The following HERC2 variants were observed in gnomAD, a reference collection of about 807,000 sequenced individuals.
HERC2 encodes the protein E3 ubiquitin-protein ligase HERC2.
A neutral mutation model predicts 537.7 loss-of-function variants in HERC2; 102 were observed. The observed-to-expected ratio is 0.19, with a 90% CI of 0.16 to 0.22. HERC2 has a LOEUF of 0.22. Ranked by LOEUF, HERC2 falls within the 10% of genes least tolerant of loss-of-function variation. HERC2 has a pLI of 1.00. For synonymous variants in HERC2, 2,224 were observed against 2,466.2 expected, an observed-to-expected ratio of 0.90 and a Z score of 2.91; for missense variants, 4,236 against 6,198.2, an observed-to-expected ratio of 0.68 and a Z score of 10.63.
At chr15:28,204,795 C>G (rs1024391375) in intron 45 of HERC2, among the ~76,000 whole-genome samples, 2 of 152,098 alleles carry the variant, frequency 1.3e-5, no homozygotes, top group African/African-American at 4.8e-5. Flanking sequence ...CTTGACCTTT[C>G]AAACAGATCA....
At chr15:28,206,737 A>G (rs891192693) in intron 44 of HERC2, among the ~76,000 whole-genome samples, 6 of 149,858 alleles carry the variant, frequency 4.0e-5, no homozygotes, top group African/African-American at 7.4e-5. Flanking sequence ...GGAGGCTGAC[A>G]CAGGAGAATG....
intron 67 of HERC2, 28 bp downstream of exon 67, chr15:28,168,379 T>A: frequency 6.2e-7 from 1 of 1,605,168 alleles, no homozygotes; most frequent in South Asian, 1.1e-5. Context: ...TCCTTTCTGA[T>A]CTAACATTGC....
Position 28,186,585 on chromosome 15 carries a change from G to A in HERC2, c.8817C>T (p.Asn2939=). The A allele has an allele frequency of 6.2e-7, 1 of 1,613,764 alleles. No homozygotes were observed. The highest frequency in any genetic ancestry group is 8.5e-7 in the Non-Finnish European group (1 of 1,179,838). Residue 2939 remains asparagine (N), a synonymous_variant, in exon 56 of 93, where the codon AAC becomes AAT. Coordinates refer to ENST00000261609, the MANE Select transcript of HERC2 (RefSeq NM_004667.6). The part of the protein sequence containing the change: ...DNEEEEDEKG[N]SGSLIRKKAA... Reference sequence around the variant, plus strand: ...TAACAAATGGTTCTCACCTTCCGCTGTTGCCTTTCTCATCCTCCTCCTCTT... The same window carrying A: ...TAACAAATGGTTCTCACCTTCCGCTATTGCCTTTCTCATCCTCCTCCTCTT...
intron 37 of HERC2, among the ~76,000 whole-genome samples, chr15:28,219,225 G>C (rs886938039): frequency 5.3e-5 from 8 of 152,250 alleles, no homozygotes; most frequent in Non-Finnish European, 2.9e-5. Context: ...CAAAGCACCG[G>C]CATCTGTGGA....
intron 4 of HERC2, among the ~76,000 whole-genome samples, chr15:28,282,172 G>A (rs965502091): frequency 5.9e-5 from 9 of 152,126 alleles, no homozygotes; most frequent in African/African-American, 1.7e-4. Flanking sequence ...AGCTGCCAGC[G>A]ATGAGGTGAA....
At chr15:28,235,954 G>A (rs1347341170) in intron 26 of HERC2, among the ~76,000 whole-genome samples, 3 of 152,132 alleles carry the variant, frequency 2.0e-5, no homozygotes, top group Admixed American at 6.6e-5. Context: ...ATTTTAGGTG[G>A]TTACAAAGGC....
At chr15:28,240,222 T>C (rs551833761) in intron 23 of HERC2, among the ~76,000 whole-genome samples, 13 of 152,158 alleles carry the variant, frequency 8.5e-5, no homozygotes, top group South Asian at 2.1e-4. Flanking sequence ...ATGGAGACCA[T>C]CCTGGCTAAC....
At chr15:28,256,427 T>C (rs2075263581) in intron 17 of HERC2, 110 bp from the exon 18 acceptor site, 1 of 805,696 alleles carries the variant, frequency 1.2e-6, no homozygotes, top group Admixed American at 2.9e-5. Flanking sequence ...AAATAGACAA[T>C]TTCTCAGTTT....
chr15:28,316,056 G>GT (rs1326189410), intron 2 of HERC2: 6 of 178,396 alleles, frequency 3.4e-5, no homozygotes, highest in African/African-American at 1.5e-4. Context: ...CTCTTCCGCT[G>GT]TTTAAAAAAA....
At chr15:28,318,308 C>A (rs1295627888) in intron 2 of HERC2, among the ~76,000 whole-genome samples, 26 of 152,046 alleles carry the variant, frequency 1.7e-4, no homozygotes, top group African/African-American at 6.3e-4. Context: ...CATGGTGATT[C>A]AATCACTCCA....
In HERC2 at chr15:28,113,637, C is replaced by T; in HGVS notation, c.13955G>A (p.Gly4652Glu). 1.2e-6 allele frequency: 2 copies of T among 1,614,186 alleles called. No individual in the cohort carries two copies. Among genetic ancestry groups the T allele is most frequent in the Non-Finnish European group, 1.7e-6 (2 of 1,180,026 alleles). The change falls in exon 91 of 93, where the codon GGA (glycine) becomes GAA (glutamate). Residue 4652 changes from glycine (G) to glutamate (E), a missense_variant. Physicochemically the swap from Gly to Glu is moderately conservative, Grantham distance 98. This residue lies in a region of HERC2 where 313 missense variants were observed against 462.6 expected (regional missense o/e 0.68). Transcript: ENST00000261609. The surrounding 1 kb of genome is among the most constrained non-coding windows in gnomAD (Gnocchi z 7.0). ...FDEQVAAVREGMARVVPVPLL... is the reference protein window; with the variant it reads ...FDEQVAAVREEMARVVPVPLL... ...GGGAACAGGCACAACGCGGGCCATT[C>T]CTTCCCGAACAGCAGCCACCTGCTC...
intron 2 of HERC2, among the ~76,000 whole-genome samples, chr15:28,304,184 A>C (rs1026859082): frequency 2.6e-5 from 4 of 151,104 alleles, no homozygotes; most frequent in Non-Finnish European, 5.9e-5. Context: ...AAAAAAAAAA[A>C]AAAAAAAACA....
chr15:28,142,585 C>T lies in HERC2; in HGVS notation c.11545-192G>A, dbSNP rs571500299. 624 of 642,870 alleles carry T rather than the reference C, an allele frequency of 9.7e-4. 2 individuals carry two copies. In the African/African-American group the frequency reaches 0.01, roughly 11 times the overall value. 39.8% of individuals were successfully genotyped at this position (642,870 alleles called of 1,614,324 possible). ...CACGTGCCACACAACTGCTGCAACA[C>T]TTGTTGCCTGCATCAAGTGACAAGA... On this transcript the variant is annotated intron_variant, in intron 75 of 92. Coordinates refer to ENST00000261609, the MANE Select transcript of HERC2 (RefSeq NM_004667.6).
intron 69 of HERC2, among the ~76,000 whole-genome samples, chr15:28,154,479 A>C (rs1200574966): frequency 6.6e-6 from 1 of 152,168 alleles, no homozygotes; most frequent in African/African-American, 2.4e-5. Context: ...GAGTAACTGA[A>C]AGCAGATGTT....
chr15:28,246,182 GC>G, intron 22 of HERC2, 116 bp from the exon 23 acceptor site: 1 of 659,034 alleles, frequency 1.5e-6, no homozygotes, highest in Non-Finnish European at 2.5e-6. Flanking sequence ...TTGTCCTTTA[GC>G]ATATTTCTAA....
chr15:28,219,263 C>T (rs1196943173), intron 37 of HERC2, among the ~76,000 whole-genome samples: 2 of 152,212 alleles, frequency 1.3e-5, no homozygotes, highest in Non-Finnish European at 2.9e-5. Context: ...TCATGCAGCC[C>T]GCTTGGCTGG....
At chr15:28,308,708 T>C (rs1409439660) in intron 2 of HERC2, among the ~76,000 whole-genome samples, 4 of 152,242 alleles carry the variant, frequency 2.6e-5, no homozygotes, top group Non-Finnish European at 2.9e-5. Flanking sequence ...GCTTTTATTA[T>C]GTTGAGGTAT....
chr15:28,245,441 G>C (rs1187236363), intron 23 of HERC2, among the ~76,000 whole-genome samples: 2 of 151,794 alleles, frequency 1.3e-5, no homozygotes, highest in South Asian at 4.2e-4. Context: ...CAGCTACTCA[G>C]GAGGCTGAGG....
intron 65 of HERC2, 40 bp from the exon 66 acceptor site, chr15:28,169,695 A>G: frequency 6.3e-7 from 1 of 1,576,818 alleles, no homozygotes; most frequent in Non-Finnish European, 8.6e-7. Context: ...TTTTAAAATC[A>G]CAGTTTGATC....
Sources: allele counts gnomAD v4.1 joint callset (sites outside exome capture counted in the v4.1 genomes callset), GRCh38; gene constraint gnomAD v4.1.1; regional missense constraint gnomAD v4.1.1; non-coding constraint Gnocchi (gnomAD v3.1); transcripts MANE v1.5; gene names NCBI Gene and HGNC (gene_info 2026-07-23, HGNC 2026-07-21).